ST8SIA4: variants seen among roughly 807,000 people sequenced by gnomAD.
ST8SIA4 encodes CMP-N-acetylneuraminate-poly-alpha-2,8-sialyltransferase.
Under a neutral mutation model 33.9 loss-of-function variants are expected in ST8SIA4, and 15 were observed. The ratio of observed to expected loss-of-function variants is 0.44; its 90% CI spans 0.30 to 0.68. The LOEUF (loss-of-function observed/expected upper bound fraction) is 0.68, where lower values mean the gene tolerates loss of function less well. Among genes scored for constraint, ST8SIA4 ranks in the 30% least tolerant of loss-of-function variants. ST8SIA4 has a pLI of 0.10. For missense variants in ST8SIA4, 321 were observed against 428.0 expected (o/e 0.75, Z 2.21); for synonymous variants, 171 against 151.2 (o/e 1.13, Z -0.96).
rs570712819 is a variant in ST8SIA4, at chr5:100,856,064, A to G, written c.797+39T>C. On this transcript the variant is annotated intron_variant, in intron 4 of 4. Transcript: ENST00000231461. Reference sequence around the variant, plus strand: ...GAAAATGTTTAGTTATATGTGTTCCACTGTGCCAAGGACAAACTGGTCCTT... The same window carrying G: ...GAAAATGTTTAGTTATATGTGTTCCGCTGTGCCAAGGACAAACTGGTCCTT... 2.0e-4 allele frequency: 314 copies of G among 1,591,750 alleles called. 1 individual carries two copies. The South Asian group carries it at 3.4e-3, about 17-fold the overall frequency.
At chr5:100,890,162 A>G (rs1451442820) in intron 2 of ST8SIA4, among the ~76,000 whole-genome samples, 5 of 151,896 alleles carry the variant, frequency 3.3e-5, no homozygotes, top group African/African-American at 1.2e-4. Flanking sequence ...ATTATGACTT[A>G]AGTGCTTCAT....
chr5:100,889,651 A>T (rs1024526581), intron 2 of ST8SIA4, among the ~76,000 whole-genome samples: 1 of 151,968 alleles, frequency 6.6e-6, no homozygotes, highest in African/African-American at 2.4e-5. Flanking sequence ...GATTATAAGT[A>T]AACCTCTTTA....
chr5:100,853,604 A>G (rs1751748444), intron 4 of ST8SIA4, among the ~76,000 whole-genome samples: 1 of 152,250 alleles, frequency 6.6e-6, no homozygotes, highest in South Asian at 2.1e-4. Context: ...ATGGTTAGGA[A>G]TTAGTGAAGT....
chr5:100,865,078 C>T (rs1444674359), intron 3 of ST8SIA4, among the ~76,000 whole-genome samples: 2 of 152,156 alleles, frequency 1.3e-5, no homozygotes, highest in Non-Finnish European at 2.9e-5. Context: ...TCAGGGATAC[C>T]TCAGCATTTC....
intron 4 of ST8SIA4, among the ~76,000 whole-genome samples, chr5:100,848,618 CTA>C (rs1182605716): frequency 6.7e-6 from 1 of 149,702 alleles, no homozygotes; most frequent in East Asian, 1.9e-4. Context: ...CGAGTATAGA[CTA>C]TATAAAGTCT....
At chr5:100,876,221 G>C (rs1366521299) in intron 3 of ST8SIA4, among the ~76,000 whole-genome samples, 1 of 152,038 alleles carries the variant, frequency 6.6e-6, no homozygotes, top group East Asian at 1.9e-4. Context: ...GAATCTCATA[G>C]GGGAAAATCA....
At chr5:100,836,391 T>G (rs1004613065) in intron 4 of ST8SIA4, among the ~76,000 whole-genome samples, 1 of 152,018 alleles carries the variant, frequency 6.6e-6, no homozygotes, top group African/African-American at 2.4e-5. Flanking sequence ...GGATCTCTAG[T>G]ATTACTATTA....
intron 3 of ST8SIA4, among the ~76,000 whole-genome samples, chr5:100,864,243 C>T (rs963980093): frequency 1.3e-5 from 2 of 151,996 alleles, no homozygotes; most frequent in Non-Finnish European, 2.9e-5. Flanking sequence ...GAGGGTAAAG[C>T]GTTAACTGCT....
At chr5:100,862,796 G>A (rs1751976767) in intron 3 of ST8SIA4, among the ~76,000 whole-genome samples, 1 of 152,206 alleles carries the variant, frequency 6.6e-6, no homozygotes, top group South Asian at 2.1e-4. Flanking sequence ...CAATGAGACA[G>A]TCACTATTGC....
At chr5:100,849,855 G>C (rs914243627) in intron 4 of ST8SIA4, among the ~76,000 whole-genome samples, 1 of 152,024 alleles carries the variant, frequency 6.6e-6, no homozygotes, top group African/African-American at 2.4e-5. Context: ...CTGTTGTAGG[G>C]CATGAGATGT....
At chr5:100,839,824 C>T (rs1751436282) in intron 4 of ST8SIA4, among the ~76,000 whole-genome samples, 1 of 151,776 alleles carries the variant, frequency 6.6e-6, no homozygotes, top group Admixed American at 6.6e-5. Context: ...CTAAAGAGAG[C>T]TGCTCCTGGA....
intron 3 of ST8SIA4, among the ~76,000 whole-genome samples, chr5:100,875,070 G>A (rs1752276831): frequency 6.6e-6 from 1 of 152,148 alleles, no homozygotes; most frequent in African/African-American, 2.4e-5. Context: ...TTAAAGAAGT[G>A]TTATGTAAGT....
At chr5:100,840,930 T>A (rs1751458702) in intron 4 of ST8SIA4, among the ~76,000 whole-genome samples, 1 of 151,782 alleles carries the variant, frequency 6.6e-6, no homozygotes, top group Non-Finnish European at 1.5e-5. Flanking sequence ...CCCCACCTAA[T>A]CCATTTGCAA....
chr5:100,877,923 T>A (rs1752340987), intron 3 of ST8SIA4, among the ~76,000 whole-genome samples: 1 of 152,204 alleles, frequency 6.6e-6, no homozygotes, highest in African/African-American at 2.4e-5. Context: ...TACTCCTCCG[T>A]CTTTACTACC....
chr5:100,824,881 A>G (rs1236749060), intron 4 of ST8SIA4, among the ~76,000 whole-genome samples: 8 of 125,332 alleles, frequency 6.4e-5, no homozygotes, highest in Non-Finnish European at 8.8e-5. Context: ...GCAACATAGC[A>G]AGACCCTGTC....
chr5:100,863,000 G>T (rs1449262418), intron 3 of ST8SIA4, among the ~76,000 whole-genome samples: 1 of 152,196 alleles, frequency 6.6e-6, no homozygotes, highest in East Asian at 1.9e-4. Flanking sequence ...AAGTGATATG[G>T]CTGTGACTTC....
At chr5:100,885,981 T>C in intron 3 of ST8SIA4, 1 of 886,934 alleles carries the variant, frequency 1.1e-6, no homozygotes, top group African/African-American at 1.8e-5. Flanking sequence ...GTAATATTCA[T>C]AATCTTTATA....
At chr5:100,901,783 G>A (rs1300976158) in intron 1 of ST8SIA4, among the ~76,000 whole-genome samples, 1 of 152,154 alleles carries the variant, frequency 6.6e-6, no homozygotes. Flanking sequence ...TACCTAGGGA[G>A]CAGGAATATT....
At chr5:100,896,776 A>G (rs1219350436) in intron 1 of ST8SIA4, among the ~76,000 whole-genome samples, 1 of 152,204 alleles carries the variant, frequency 6.6e-6, no homozygotes, top group African/African-American at 2.4e-5. Flanking sequence ...CAACAGAGAC[A>G]GAATGTTTTG....
Sources: gnomAD v4.1 joint callset for allele counts (sites outside exome capture counted in the v4.1 genomes callset) on GRCh38, gnomAD v4.1.1 for gene constraint, MANE v1.5 for transcripts, NCBI Gene and HGNC (gene_info 2026-07-23, HGNC 2026-07-21) for gene names.